The following EFCAB3 variants were observed in gnomAD, a reference collection of about 807,000 sequenced individuals.
The protein encoded by EFCAB3 is EF-hand calcium-binding domain-containing protein 3.
A neutral mutation model predicts 42.2 loss-of-function variants in EFCAB3; 36 were observed. The observed-to-expected ratio is 0.85, with a 90% confidence interval of 0.65 to 1.13. EFCAB3 has a LOEUF of 1.13. EFCAB3 is among the 50% of genes most tolerant of loss of function. The pLI is 0.00. For synonymous variants in EFCAB3, 170 were observed against 172.8 expected (o/e 0.98, Z 0.13); for missense variants, 418 against 505.1 (o/e 0.83, Z 1.65).
At position 62,393,570 on chromosome 17, in the gene EFCAB3, C is replaced by A; in HGVS notation, c.296-3C>A. ...TGTCCTGAGTCTCAGATTTTTGTTG[C>A]AGGAGATGGGAAGGTGAACTTCTCA... On this transcript the variant is annotated splice_region_variant and splice_polypyrimidine_tract_variant and intron_variant, in intron 4 of 9. Coordinates refer to ENST00000305286, the MANE Select transcript of EFCAB3 (RefSeq NM_173503.4). The A allele has an allele frequency of 2.5e-6, 4 of 1,613,228 alleles. No individual in the cohort carries two copies. Among genetic ancestry groups the A allele is most frequent in the Non-Finnish European group, 3.4e-6 (4 of 1,179,454 alleles).
intron 8 of EFCAB3, among the ~76,000 whole-genome samples, chr17:62,410,909 C>T (rs2070489632): frequency 6.6e-6 from 1 of 152,132 alleles, no homozygotes; most frequent in African/African-American, 2.4e-5. Flanking sequence ...AGTCCATAGC[C>T]AAGCTTGGTC....
At chr17:62,403,696 G>A (rs549545677) in intron 6 of EFCAB3, among the ~76,000 whole-genome samples, 3 of 152,264 alleles carry the variant, frequency 2.0e-5, no homozygotes, top group African/African-American at 7.2e-5. Context: ...CTAGAGTGCT[G>A]GAGTGCAGTG....
At chr17:62,389,910 T>C (rs1050459895) in intron 3 of EFCAB3, among the ~76,000 whole-genome samples, 3 of 152,060 alleles carry the variant, frequency 2.0e-5, no homozygotes, top group Non-Finnish European at 4.4e-5. Context: ...CCTCAGCCTC[T>C]TGAGTAGCTG....
chr17:62,377,913 A>G, upstream of EFCAB3: 1 of 1,407,258 alleles, frequency 7.1e-7, no homozygotes, highest in Non-Finnish European at 9.7e-7. Flanking sequence ...CTCCTAGTCT[A>G]CTTTCCATAA....
At chr17:62,390,172 T>C (rs140118371) in intron 3 of EFCAB3, among the ~76,000 whole-genome samples, 14 of 152,322 alleles carry the variant, frequency 9.2e-5, no homozygotes, top group Admixed American at 9.2e-4. Context: ...CAGTGTACTT[T>C]TTAAGGGAGA....
intron 8 of EFCAB3, among the ~76,000 whole-genome samples, chr17:62,408,990 T>A (rs1436170264): frequency 6.6e-6 from 1 of 152,224 alleles, no homozygotes; most frequent in African/African-American, 2.4e-5. Flanking sequence ...ATCCCCACAT[T>A]GTCATTGTAC....
At chr17:62,414,117 T>A (rs1362420387) in intron 9 of EFCAB3, among the ~76,000 whole-genome samples, 2 of 152,258 alleles carry the variant, frequency 1.3e-5, no homozygotes, top group Non-Finnish European at 2.9e-5. Flanking sequence ...TCATTTGTGT[T>A]ATTCCAGAAA....
At chr17:62,386,158 A>AT in intron 2 of EFCAB3, among the ~76,000 whole-genome samples, 1 of 152,242 alleles carries the variant, frequency 6.6e-6, no homozygotes, top group Non-Finnish European at 1.5e-5. Context: ...TTATAATTAA[A>AT]TTTTGGAGTT....
At chr17:62,403,497 C>G (rs2070421840) in intron 6 of EFCAB3, among the ~76,000 whole-genome samples, 1 of 152,192 alleles carries the variant, frequency 6.6e-6, no homozygotes, top group South Asian at 2.1e-4. Context: ...ATGCCAAGCA[C>G]AAATCTAATC....
At chr17:62,391,182 C>G (rs994292366) in intron 3 of EFCAB3, among the ~76,000 whole-genome samples, 3 of 152,096 alleles carry the variant, frequency 2.0e-5, no homozygotes, top group Admixed American at 2.0e-4. Context: ...AGGTGTTGGC[C>G]AGCCTGTCCT....
intron 2 of EFCAB3, among the ~76,000 whole-genome samples, chr17:62,383,978 T>C (rs1415282164): frequency 6.6e-6 from 1 of 152,194 alleles, no homozygotes; most frequent in African/African-American, 2.4e-5. Flanking sequence ...TAACAGCCAC[T>C]AATGAGCAAA....
intron 6 of EFCAB3, among the ~76,000 whole-genome samples, chr17:62,406,214 A>AG (rs1402015519): frequency 6.6e-6 from 1 of 152,158 alleles, no homozygotes; most frequent in Non-Finnish European, 1.5e-5. Flanking sequence ...TCTAAAAAAA[A>AG]CAAAAACAAA....
Position 62,387,350 on chromosome 17 carries a change from T to G in EFCAB3, c.85T>G (p.Leu29Val). 1 of 1,610,924 alleles carries G rather than the reference T, an allele frequency of 6.2e-7. No individual in the cohort carries two copies. Among genetic ancestry groups the G allele is most frequent in the South Asian group, 1.1e-5 (1 of 90,888 alleles). ...CACATCTTTCCTCAGGGATAGAGACTTACCAGGATCTCTTCAATGCCAATT... is the reference window on the plus strand; with the variant it reads ...CACATCTTTCCTCAGGGATAGAGACGTACCAGGATCTCTTCAATGCCAATT... ...PISHNKRDRD[L>V]PGSLQCQLQH... Residue 29 changes from leucine to valine, a missense_variant, in exon 3 of 10, where the codon TTA becomes GTA. Leu to Val is a conservative substitution (Grantham distance 32, BLOSUM62 1). Transcript: ENST00000305286.
chr17:62,373,662 G>GA (rs2070129965), intron 1 of EFCAB3, among the ~76,000 whole-genome samples: 1 of 152,038 alleles, frequency 6.6e-6, no homozygotes, highest in South Asian at 2.1e-4. Flanking sequence ...TCACCTGACA[G>GA]AAAAATGAAT....
intron 1 of EFCAB3, among the ~76,000 whole-genome samples, chr17:62,381,179 T>C (rs1006118106): frequency 8.5e-6 from 1 of 117,828 alleles, no homozygotes; most frequent in Non-Finnish European, 1.6e-5. Flanking sequence ...CCCCAGTGTG[T>C]GATGTTCCCC....
At chr17:62,410,373 AG>A (rs1407618101) in intron 8 of EFCAB3, among the ~76,000 whole-genome samples, 1 of 152,106 alleles carries the variant, frequency 6.6e-6, no homozygotes, top group Non-Finnish European at 1.5e-5. Flanking sequence ...AAGAAAAGAA[AG>A]AAATGGTACT....
In EFCAB3 at chr17:62,387,367, A is replaced by T. The variant is rs762152988; in HGVS notation, c.102A>T (p.Gln34His). The T allele has an allele frequency of 1.2e-6, 2 of 1,611,794 alleles. No homozygotes were observed. Among genetic ancestry groups the T allele is most frequent in the Non-Finnish European group, 1.7e-6 (2 of 1,178,752 alleles). Residue 34 changes from glutamine to histidine, a missense_variant, in exon 3 of 10, where the codon CAA (glutamine) becomes CAT (histidine). Transcript: ENST00000305286. ...KRDRDLPGSL[Q>H]CQLQHKEKKL... ...ATAGAGACTTACCAGGATCTCTTCA[A>T]TGCCAATTACAACACAAAGAAAAGA... is the stretch of plus-strand genomic sequence containing the variant.
At chr17:62,401,654 G>A (rs2070404030) in intron 6 of EFCAB3, among the ~76,000 whole-genome samples, 1 of 152,150 alleles carries the variant, frequency 6.6e-6, no homozygotes, top group Admixed American at 6.5e-5. Context: ...CTATATCTCT[G>A]TTTTGGTACC....
intron 8 of EFCAB3, among the ~76,000 whole-genome samples, chr17:62,408,100 A>G (rs1187179228): frequency 1.3e-5 from 2 of 151,400 alleles, no homozygotes; most frequent in Non-Finnish European, 2.9e-5. Flanking sequence ...ACATTCAACT[A>G]CTCCTCCACC....
Sources: gnomAD v4.1 joint callset for allele counts (sites outside exome capture counted in the v4.1 genomes callset) on GRCh38, gnomAD v4.1.1 for gene constraint, MANE v1.5 for transcripts, NCBI Gene and HGNC (gene_info 2026-07-23, HGNC 2026-07-21) for gene names.